Variants in MGA observed in about 807,000 individuals in gnomAD.
MGA encodes MAX gene-associated protein.
A neutral mutation model predicts 261.1 loss-of-function variants in MGA; 40 were observed. The observed-to-expected ratio is 0.15, with a 90% CI of 0.12 to 0.20. The LOEUF is 0.20. Among genes scored for constraint, MGA ranks in the 10% least tolerant of loss-of-function variants. The probability of loss-of-function intolerance (pLI) is 1.00; values close to 1 mark genes in which losing one functional copy is unlikely to be tolerated. For synonymous variants in MGA, 1,302 were observed against 1,290.6 expected (o/e 1.01, Z -0.19); for missense variants, 3,397 against 3,630.5 (o/e 0.94, Z 1.65).
At chr15:41,729,466 AT>A (rs2061400516) in intron 11 of MGA, 117 bp downstream of exon 11, 1 of 965,718 alleles carries the variant, frequency 1.0e-6, no homozygotes, top group South Asian at 1.7e-5. Flanking sequence ...CATACATGAC[AT>A]GTATAACAGT....
chr15:41,656,862 G>C (rs565895135), upstream of MGA, among the ~76,000 whole-genome samples: 110 of 151,984 alleles, frequency 7.2e-4, no homozygotes, highest in Non-Finnish European at 1.4e-3. Flanking sequence ...CTGTAGCCTC[G>C]ACCTCCTGTG....
At chr15:41,638,993 G>C (rs1255833884) in intron 1 of MGA, among the ~76,000 whole-genome samples, 1 of 151,932 alleles carries the variant, frequency 6.6e-6, no homozygotes, top group Non-Finnish European at 1.5e-5. Flanking sequence ...TTACAGGTGT[G>C]AGCCACCACA....
chr15:41,653,405 CAAAA>C (rs920501523), intron 1 of MGA, among the ~76,000 whole-genome samples: 12 of 150,572 alleles, frequency 8.0e-5, no homozygotes, highest in Admixed American at 4.6e-4. Context: ...AACAAACAAA[CAAAA>C]AAACCCACAC....
intron 5 of MGA, among the ~76,000 whole-genome samples, chr15:41,703,536 T>A (rs1364559030): frequency 6.6e-6 from 1 of 152,132 alleles, no homozygotes; most frequent in Non-Finnish European, 1.5e-5. Context: ...GATTTATCTA[T>A]TCTTCTTTTT....
intron 2 of MGA, among the ~76,000 whole-genome samples, chr15:41,678,447 C>G (rs559713889): frequency 7.3e-5 from 11 of 150,796 alleles, no homozygotes; most frequent in Non-Finnish European, 1.6e-4. Context: ...ATGTGTGTAT[C>G]CAGTTTCCCG....
rs1350212876 is a variant in MGA at position 41,749,747 on chromosome 15, C to G, written c.6140C>G (p.Pro2047Arg). The G allele has an allele frequency of 6.2e-6, 10 of 1,613,928 alleles. No individual in the cohort carries two copies. The highest frequency in any genetic ancestry group is 8.5e-6 in the Non-Finnish European group (10 of 1,179,886). ...GAAGAAGGTTGTGCAACTGTCAAACCATCTGAGCATTCCTGTATCACTGGG... is the reference window on the plus strand; with the variant it reads ...GAAGAAGGTTGTGCAACTGTCAAACGATCTGAGCATTCCTGTATCACTGGG... The change falls in exon 17 of 24, where the codon CCA (proline) becomes CGA (arginine). Residue 2047 changes from proline (P) to arginine (R), a missense_variant. Transcript: ENST00000219905.
chr15:41,667,484 G>C (rs1332904126), intron 1 of MGA, among the ~76,000 whole-genome samples: 1 of 152,042 alleles, frequency 6.6e-6, no homozygotes, highest in African/African-American at 2.4e-5. Context: ...GACCTCAAGT[G>C]ATCTGACCTC....
chr15:41,628,665 G>A (rs1414598730), intron 1 of MGA, among the ~76,000 whole-genome samples: 1 of 152,176 alleles, frequency 6.6e-6, no homozygotes, highest in African/African-American at 2.4e-5. Context: ...AGTGGTGGTG[G>A]TGGTGGTGCA....
chr15:41,712,915 A>T (rs932932706), intron 8 of MGA, among the ~76,000 whole-genome samples: 1 of 152,224 alleles, frequency 6.6e-6, no homozygotes, highest in Non-Finnish European at 1.5e-5. Flanking sequence ...TGTATAATTT[A>T]TATTGAAAAT....
intron 2 of MGA, among the ~76,000 whole-genome samples, chr15:41,689,372 C>T (rs2059141694): frequency 6.7e-6 from 1 of 150,192 alleles, no homozygotes; most frequent in African/African-American, 2.5e-5. Context: ...TCCTTTCTCC[C>T]TTTCTCCTTC....
chr15:41,678,185 G>A (rs1334569086), intron 2 of MGA, among the ~76,000 whole-genome samples: 2 of 150,938 alleles, frequency 1.3e-5, no homozygotes, highest in African/African-American at 2.4e-5. Flanking sequence ...GTGCCTCCCA[G>A]GTTCAAGCGA....
At chr15:41,739,989 T>C (rs1567059793) in intron 13 of MGA, 1 of 1,613,708 alleles carries the variant, frequency 6.2e-7, no homozygotes, top group Non-Finnish European at 8.5e-7. Context: ...TAGCTGCTTA[T>C]ATCACAGGCA....
At chr15:41,679,029 C>G (rs2058529338) in intron 2 of MGA, among the ~76,000 whole-genome samples, 3 of 151,948 alleles carry the variant, frequency 2.0e-5, no homozygotes, top group Admixed American at 2.0e-4. Context: ...CCTTGAGATT[C>G]CATTTTCTTT....
rs2059549494 is a variant in MGA at position 41,696,318 on chromosome 15, A to G, written c.1308A>G (p.Pro436=). ...AGAGGCACAATAAAGTTGACAACCC[A>G]GAAGCTGACCATCTATCTTCTAAAT... Residue 436 remains proline (P), a synonymous_variant, in exon 3 of 24, where the codon CCA becomes CCG. Coordinates refer to ENST00000219905, the MANE Select transcript of MGA (RefSeq NM_001164273.2). 1 of 1,613,962 alleles carries G rather than the reference A, an allele frequency of 6.2e-7. No individual in the cohort carries two copies. Among genetic ancestry groups the G allele is most frequent in the Non-Finnish European group, 8.5e-7 (1 of 1,179,892 alleles).
At chr15:41,741,346 C>A (rs1455237775) in intron 14 of MGA, among the ~76,000 whole-genome samples, 478 of 72,188 alleles carry the variant, frequency 6.6e-3, no homozygotes, top group African/African-American at 8.9e-3. Context: ...ACTCCATCTC[C>A]AAAAAAAAAA....
At chr15:41,717,000 A>G (rs1294887390) in intron 9 of MGA, among the ~76,000 whole-genome samples, 8 of 152,144 alleles carry the variant, frequency 5.3e-5, no homozygotes, top group African/African-American at 1.9e-4. Flanking sequence ...TGAAGGTTCT[A>G]TCATTTAAAC....
Position 41,740,296 on chromosome 15 carries a change from A to G in MGA, c.4585+93A>G, listed in dbSNP as rs745377846. The G allele has an allele frequency of 2.2e-5, 29 of 1,306,346 alleles. No homozygotes were observed. The African/African-American group carries it at 3.9e-4, about 17-fold the overall frequency. 80.9% of individuals were successfully genotyped at this position (1,306,346 alleles called of 1,614,324 possible). On this transcript the variant is annotated intron_variant, in intron 14 of 23. Transcript: ENST00000219905. ...TGGAGGTTGTAAAAATTAGAGAAAT[A>G]TGTACTTTGGCATTATTCTTATTCT...
At chr15:41,741,066 T>A (rs1273077554) in intron 14 of MGA, among the ~76,000 whole-genome samples, 1 of 152,082 alleles carries the variant, frequency 6.6e-6, no homozygotes, top group Non-Finnish European at 1.5e-5. Context: ...AAACCTATTT[T>A]GGCCGGGCGC....
intron 1 of MGA, among the ~76,000 whole-genome samples, chr15:41,644,346 C>CAAAAAAAAAAAAAAAAAAAAA (rs34743222): frequency 1.5e-5 from 1 of 65,696 alleles, no homozygotes; most frequent in Non-Finnish European, 2.8e-5. Context: ...CCATCTGTAC[C>CAAAAAAAAAAAAAAAAAAAAA]AAAAAAAAAA....
Sources: gnomAD v4.1 joint callset for allele counts (sites outside exome capture counted in the v4.1 genomes callset) on GRCh38, gnomAD v4.1.1 for gene constraint, MANE v1.5 for transcripts, NCBI Gene and HGNC (gene_info 2026-07-23, HGNC 2026-07-21) for gene names.